Variants in TNS3 observed in about 807,000 individuals in gnomAD.
The protein encoded by TNS3 is tensin 3, also known as tensin-3.
In TNS3, 45 loss-of-function variants were observed where a neutral mutation model predicts 140.9. The observed-to-expected ratio is 0.32, with a 90% confidence interval of 0.25 to 0.41. TNS3 has a LOEUF of 0.41. Ranked by LOEUF, TNS3 falls within the 10% of genes least tolerant of loss-of-function variation. The probability of loss-of-function intolerance (pLI) is 1.00; values close to 1 mark genes in which losing one functional copy is unlikely to be tolerated. For missense variants in TNS3, 1,716 were observed against 1,906.7 expected (o/e 0.90, Z 1.86); for synonymous variants, 815 against 788.4 (o/e 1.03, Z -0.56).
chr7:47,577,477 C>T (rs1800701517), intron 1 of TNS3, among the ~76,000 whole-genome samples: 1 of 152,152 alleles, frequency 6.6e-6, no homozygotes, highest in African/African-American at 2.4e-5. Flanking sequence ...AGCTCCTGAG[C>T]CTTGGCCTGG....
chr7:47,381,334 C>T (rs1791746221), intron 16 of TNS3, among the ~76,000 whole-genome samples: 1 of 152,210 alleles, frequency 6.6e-6, no homozygotes. Context: ...CTGCACACAG[C>T]ATATTTTGTG....
chr7:47,481,670 C>T, intron 3 of TNS3: 1 of 985,402 alleles, frequency 1.0e-6, no homozygotes. Flanking sequence ...TTCCATTCCG[C>T]ACAAGAGACG....
At chr7:47,476,199 T>C (rs1031737192) in intron 4 of TNS3, among the ~76,000 whole-genome samples, 4 of 152,168 alleles carry the variant, frequency 2.6e-5, no homozygotes, top group Non-Finnish European at 5.9e-5. Flanking sequence ...GTCCTCATTT[T>C]ACAGAAGAGG....
intron 3 of TNS3, among the ~76,000 whole-genome samples, chr7:47,504,478 G>A (rs753037471): frequency 6.6e-5 from 10 of 152,218 alleles, no homozygotes; most frequent in Non-Finnish European, 8.8e-5. Context: ...GAACACCATC[G>A]AGGGGGTTTA....
At chr7:47,411,880 C>G (rs974620823) in intron 12 of TNS3, 78 bp from the exon 13 acceptor site, 1 of 1,371,284 alleles carries the variant, frequency 7.3e-7, no homozygotes, top group East Asian at 2.5e-5. Context: ...GAAAAGCAAC[C>G]CTACAACCCA....
chr7:47,408,228 C>A (rs1793555047), intron 13 of TNS3, among the ~76,000 whole-genome samples: 1 of 152,038 alleles, frequency 6.6e-6, no homozygotes, highest in Non-Finnish European at 1.5e-5. Context: ...CCACTCACGG[C>A]CCCTCTCTGC....
intron 16 of TNS3, among the ~76,000 whole-genome samples, chr7:47,374,055 A>T (rs1791229469): frequency 6.6e-6 from 1 of 152,166 alleles, no homozygotes; most frequent in African/African-American, 2.4e-5. Flanking sequence ...ATCACTACTG[A>T]CCTGGCTGGT....
intron 20 of TNS3, among the ~76,000 whole-genome samples, chr7:47,314,675 G>T (rs150839674): frequency 1.3e-3 from 204 of 152,314 alleles, no homozygotes; most frequent in African/African-American, 4.8e-3. Flanking sequence ...AGGACAGGAC[G>T]TGGGCTGAGC....
chr7:47,301,782 CAG>C (rs2150699421), intron 23 of TNS3, among the ~76,000 whole-genome samples: 1 of 152,280 alleles, frequency 6.6e-6, no homozygotes, highest in African/African-American at 2.4e-5. Context: ...CCTGACTTCT[CAG>C]AGGAGGGTGT....
chr7:47,498,860 TCA>T (rs1463123067), intron 3 of TNS3, among the ~76,000 whole-genome samples: 1 of 152,086 alleles, frequency 6.6e-6, no homozygotes, highest in Non-Finnish European at 1.5e-5. Flanking sequence ...GCCAGCAGGG[TCA>T]CCATAAAGCC....
At chr7:47,550,112 G>T (rs1800024501) in intron 1 of TNS3, among the ~76,000 whole-genome samples, 1 of 150,544 alleles carries the variant, frequency 6.6e-6, no homozygotes, top group Non-Finnish European at 1.5e-5. Context: ...GATCGGGCAA[G>T]GTCTTCTGGC....
intron 3 of TNS3, 150 bp downstream of exon 3, chr7:47,506,757 G>T: frequency 5.2e-6 from 2 of 388,322 alleles, no homozygotes; most frequent in Non-Finnish European, 9.0e-6. Context: ...TTATCCTTGA[G>T]ATGAAAAGTA....
chr7:47,453,353 C>T (rs796919724), intron 4 of TNS3: 14 of 688,798 alleles, frequency 2.0e-5, no homozygotes, highest in South Asian at 6.5e-5. Context: ...TAGGGAGAAC[C>T]GCCTCTCAAA....
intron 17 of TNS3, among the ~76,000 whole-genome samples, chr7:47,361,003 G>C (rs554317580): frequency 6.6e-6 from 1 of 151,772 alleles, no homozygotes; most frequent in Non-Finnish European, 1.5e-5. Context: ...CAGCTGCTAC[G>C]GGCGCAGGCG....
rs188890803 is a variant in TNS3 at position 47,397,144 on chromosome 7, C to G, written c.920-240G>C. Among the ~76,000 whole-genome samples the G allele has an allele frequency of 3.3e-5, 5 of 152,312 alleles. No homozygotes were observed. In the East Asian group the frequency reaches 9.7e-4, roughly 29 times the overall value. Reference sequence around the variant, plus strand: ...TAAGTAAGCACTGATCTTTCGTCCACTGTGAACCAGGCTTGGACACTTCTG... The same window carrying G: ...TAAGTAAGCACTGATCTTTCGTCCAGTGTGAACCAGGCTTGGACACTTCTG... On this transcript the variant is annotated intron_variant, in intron 15 of 30. Coordinates refer to ENST00000311160, the MANE Select transcript of TNS3 (RefSeq NM_022748.12).
chr7:47,316,783 A>C (rs1787440343), intron 20 of TNS3, among the ~76,000 whole-genome samples: 1 of 151,020 alleles, frequency 6.6e-6, no homozygotes, highest in South Asian at 2.1e-4. Context: ...ATCTCAAAAA[A>C]AAAAAAAAAA....
chr7:47,537,966 A>ACCCCCCCCCCCCCCCCCCCCCCCC (rs113842617), intron 1 of TNS3, among the ~76,000 whole-genome samples: 2 of 126,108 alleles, frequency 1.6e-5, no homozygotes, highest in Admixed American at 8.2e-5. Context: ...CCCTCACCGC[A>ACCCCCCCCCCCCCCCCCCCCCCCC]CCCCCCCCAC....
chr7:47,431,732 G>A (rs924714225), intron 8 of TNS3, among the ~76,000 whole-genome samples: 4 of 152,106 alleles, frequency 2.6e-5, no homozygotes, highest in Non-Finnish European at 5.9e-5. Flanking sequence ...CAATAGAAAA[G>A]ATCAACAAAA....
chr7:47,420,617 C>T (rs1382538986), intron 10 of TNS3, among the ~76,000 whole-genome samples: 2 of 152,330 alleles, frequency 1.3e-5, no homozygotes, highest in Admixed American at 6.5e-5. Context: ...GGGCACAAGA[C>T]ATGGGAAGTG....
Sources: allele counts gnomAD v4.1 joint callset (sites outside exome capture counted in the v4.1 genomes callset), GRCh38; gene constraint gnomAD v4.1.1; transcripts MANE v1.5; gene names NCBI Gene and HGNC (gene_info 2026-07-23, HGNC 2026-07-21).